Variants in BCO1 observed in about 807,000 individuals in gnomAD.
BCO1 encodes beta-carotene oxygenase 1.
Under a neutral mutation model 56.3 loss-of-function variants are expected in BCO1, and 54 were observed. That is an observed-to-expected ratio of 0.96 (90% CI 0.77 to 1.20). The LOEUF (loss-of-function observed/expected upper bound fraction) is 1.20, where lower values mean the gene tolerates loss of function less well. BCO1 is among the 50% of genes most tolerant of loss of function. BCO1 has a pLI of 0.00. For synonymous variants in BCO1, 318 were observed against 266.1 expected (o/e 1.20, Z -1.90); for missense variants, 801 against 690.9 (o/e 1.16, Z -1.79).
At chr16:81,260,516 T>G (rs1338151698) in intron 3 of BCO1, among the ~76,000 whole-genome samples, 2 of 152,146 alleles carry the variant, frequency 1.3e-5, no homozygotes, top group Admixed American at 6.6e-5. Flanking sequence ...ATTCATTTAT[T>G]TATTTATTTA....
chr16:81,242,699 C>T (rs1188072445), intron 1 of BCO1, among the ~76,000 whole-genome samples: 3 of 152,112 alleles, frequency 2.0e-5, no homozygotes, highest in Non-Finnish European at 4.4e-5. Context: ...TGGAGACAAC[C>T]TTCGAAGCTC....
chr16:81,249,119 C>G (rs1286383319), intron 2 of BCO1, among the ~76,000 whole-genome samples: 7 of 133,754 alleles, frequency 5.2e-5, no homozygotes, highest in African/African-American at 2.0e-4. Flanking sequence ...GAGATGGAGT[C>G]TCACTCCGTT....
intron 7 of BCO1, among the ~76,000 whole-genome samples, chr16:81,270,901 T>G (rs970630798): frequency 6.6e-6 from 1 of 151,476 alleles, no homozygotes; most frequent in Non-Finnish European, 1.5e-5. Flanking sequence ...CCCGCCACCA[T>G]GCCCAGAGAA....
At chr16:81,245,369 G>GGACCAC in intron 1 of BCO1, 106 bp from the exon 2 acceptor site, 1 of 1,502,008 alleles carries the variant, frequency 6.7e-7, no homozygotes. Flanking sequence ...CAGATGCAAG[G>GGACCAC]AGTGGTACTG....
intron 2 of BCO1, among the ~76,000 whole-genome samples, chr16:81,257,928 G>A (rs138758783): frequency 0.012 from 1,793 of 151,466 alleles, 31 homozygotes; most frequent in Non-Finnish European, 0.014. Context: ...ATTAGATGAA[G>A]GATCTTGAGA....
intron 7 of BCO1, among the ~76,000 whole-genome samples, chr16:81,276,442 ACTCTGC>A (rs1907560578): frequency 6.6e-6 from 1 of 151,960 alleles, no homozygotes; most frequent in Non-Finnish European, 1.5e-5. Flanking sequence ...GCAGACTGCC[ACTCTGC>A]TGTTCCTGCC....
At chr16:81,245,452 C>A (rs975016762) in intron 1 of BCO1, 23 bp from the exon 2 acceptor site, 1 of 1,614,072 alleles carries the variant, frequency 6.2e-7, no homozygotes, top group South Asian at 1.1e-5. Flanking sequence ...AAACGGGAAA[C>A]TAAACATTCT....
At chr16:81,250,185 G>C (rs532126733) in intron 2 of BCO1, among the ~76,000 whole-genome samples, 1 of 152,248 alleles carries the variant, frequency 6.6e-6, no homozygotes, top group South Asian at 2.1e-4. Context: ...GAGAGGCCAA[G>C]TCACTTACCC....
At chr16:81,283,404 A>T (rs771639843) in intron 8 of BCO1, among the ~76,000 whole-genome samples, 3 of 152,062 alleles carry the variant, frequency 2.0e-5, no homozygotes, top group Non-Finnish European at 4.4e-5. Flanking sequence ...AGCCTGGACA[A>T]CATGGCAAAA....
chr16:81,262,596 G>A lies in BCO1; in HGVS notation c.471+313G>A, dbSNP rs573325329. 3.1e-4 allele frequency: 114 copies of A among 367,724 alleles called. 2 individuals are homozygous for A. The highest frequency in any genetic ancestry group is 6.9e-5 in the East Asian group (1 of 14,508). 22.8% of individuals were successfully genotyped at this position (367,724 alleles called of 1,614,324 possible). On this transcript the variant is annotated intron_variant, in intron 4 of 10. Transcript: ENST00000258168. ...TAATTCCAGCACTTTGGGAGGTCAA[G>A]GTGGGCAGATCACCTGAGGTCAGGA...
intron 6 of BCO1, among the ~76,000 whole-genome samples, chr16:81,268,443 T>C (rs1161579434): frequency 6.6e-6 from 1 of 152,180 alleles, no homozygotes; most frequent in African/African-American, 2.4e-5. Flanking sequence ...TCAGTCCTTA[T>C]GGAGAGCTGG....
intron 7 of BCO1, among the ~76,000 whole-genome samples, chr16:81,279,850 T>C (rs1479485807): frequency 6.6e-6 from 1 of 152,226 alleles, no homozygotes; most frequent in Non-Finnish European, 1.5e-5. Flanking sequence ...TTATTGCATG[T>C]TTGTTTTCAT....
At chr16:81,253,519 T>C (rs1281996868) in intron 2 of BCO1, among the ~76,000 whole-genome samples, 1 of 152,222 alleles carries the variant, frequency 6.6e-6, no homozygotes, top group African/African-American at 2.4e-5. Context: ...ATTCTGCTCA[T>C]TGTTATATTT....
intron 7 of BCO1, among the ~76,000 whole-genome samples, chr16:81,277,758 G>T (rs183692282): frequency 2.1e-4 from 32 of 152,300 alleles, no homozygotes; most frequent in African/African-American, 7.2e-4. Flanking sequence ...CTGGATTCTG[G>T]CTGGAAAGTG....
intron 2 of BCO1, among the ~76,000 whole-genome samples, chr16:81,251,646 G>T (rs570206099): frequency 6.6e-6 from 1 of 151,962 alleles, no homozygotes; most frequent in Admixed American, 6.6e-5. Flanking sequence ...TGGGTGAAGG[G>T]TACAAGAACA....
chr16:81,273,069 T>C (rs1228774501), intron 7 of BCO1, among the ~76,000 whole-genome samples: 1 of 152,102 alleles, frequency 6.6e-6, no homozygotes. Flanking sequence ...TCCTGGGTTC[T>C]AGCGATTCTC....
At chr16:81,245,360 A>G in intron 1 of BCO1, 115 bp from the exon 2 acceptor site, 1 of 1,474,996 alleles carries the variant, frequency 6.8e-7, no homozygotes, top group East Asian at 2.3e-5. Context: ...ATAAACGAAC[A>G]GATGCAAGGA....
chr16:81,246,081 G>A (rs553883563), intron 2 of BCO1, among the ~76,000 whole-genome samples: 1 of 151,840 alleles, frequency 6.6e-6, no homozygotes, highest in East Asian at 1.9e-4. Context: ...CGCCCACCTC[G>A]TGCTCCCAAA....
intron 2 of BCO1, among the ~76,000 whole-genome samples, chr16:81,248,152 A>G (rs889503155): frequency 2.0e-4 from 31 of 152,102 alleles, no homozygotes; most frequent in Non-Finnish European, 3.4e-4. Context: ...CTGTATTCCC[A>G]GCACTTTGGG....
Sources: gnomAD v4.1 joint callset for allele counts (sites outside exome capture counted in the v4.1 genomes callset) on GRCh38, gnomAD v4.1.1 for gene constraint, MANE v1.5 for transcripts, NCBI Gene and HGNC (gene_info 2026-07-23, HGNC 2026-07-21) for gene names.